TP53BP1: variants seen among roughly 807,000 people sequenced by gnomAD.
TP53BP1 encodes the protein TP53-binding protein 1.
In TP53BP1, 61 loss-of-function variants were observed where a neutral mutation model predicts 200.8. The ratio of observed to expected loss-of-function variants is 0.30; its 90% CI spans 0.25 to 0.38. TP53BP1 has a LOEUF of 0.38. TP53BP1 is among the 10% of genes least tolerant of loss of function. The pLI, the probability that TP53BP1 is intolerant of heterozygous loss-of-function variation, is 1.00. For missense variants in TP53BP1, 2,144 were observed against 2,371.9 expected (o/e 0.90, Z 2.00); for synonymous variants, 822 against 844.3 (o/e 0.97, Z 0.46).
intron 11 of TP53BP1, among the ~76,000 whole-genome samples, chr15:43,460,704 A>G (rs986089244): frequency 1.3e-5 from 2 of 152,190 alleles, no homozygotes; most frequent in Non-Finnish European, 2.9e-5. Flanking sequence ...GAATCTGTTC[A>G]TATACTCTCA....
At chr15:43,422,164 C>T in intron 18 of TP53BP1, 38 bp from the exon 19 acceptor site, 1 of 1,593,888 alleles carries the variant, frequency 6.3e-7, no homozygotes, top group South Asian at 1.1e-5. Context: ...TAAAAGATGC[C>T]ATAATAACAC....
intron 12 of TP53BP1, 21 bp downstream of exon 12, chr15:43,455,871 A>G: frequency 6.2e-7 from 1 of 1,609,926 alleles, no homozygotes; most frequent in Non-Finnish European, 8.5e-7. Context: ...GGAGACAAGA[A>G]TAATCTACAA....
At chr15:43,457,269 C>T in intron 11 of TP53BP1, 51 bp from the exon 12 acceptor site, 1 of 1,431,478 alleles carries the variant, frequency 7.0e-7, no homozygotes, top group Non-Finnish European at 9.3e-7. Context: ...GATCATATAT[C>T]TTTTATATCG....
chr15:43,437,965 C>G (rs968089759), intron 16 of TP53BP1, among the ~76,000 whole-genome samples: 3 of 152,224 alleles, frequency 2.0e-5, no homozygotes, highest in Non-Finnish European at 4.4e-5. Flanking sequence ...TAAGGGCCTT[C>G]TAGCTGCATC....
chr15:43,419,990 G>A (rs754697153), intron 21 of TP53BP1, among the ~76,000 whole-genome samples: 6 of 152,164 alleles, frequency 3.9e-5, no homozygotes, highest in Non-Finnish European at 7.3e-5. Context: ...TTTGACAAAC[G>A]TCCCATACTA....
At position 43,443,221 on chromosome 15, in the gene TP53BP1, A is replaced by G. The variant is rs148049917; in HGVS notation, c.3041-1638T>C. On this transcript the variant is annotated intron_variant, in intron 14 of 27. Coordinates refer to ENST00000382044, the MANE Select transcript of TP53BP1 (RefSeq NM_001141980.3). The stretch of plus-strand genomic sequence containing the variant: ...AAAAGTATGTAATAATACAAAATTA[A>G]AAACCAAAAACTTTTTAAAATTTAT... 5.0e-3 allele frequency among the ~76,000 whole-genome samples: 760 copies of G among 152,288 alleles called. 7 individuals are homozygous for G. The highest frequency in any genetic ancestry group is 6.2e-3 in the Non-Finnish European group (422 of 68,016).
chr15:43,458,374 G>A (rs1449835101), intron 11 of TP53BP1, among the ~76,000 whole-genome samples: 1 of 152,072 alleles, frequency 6.6e-6, no homozygotes, highest in Non-Finnish European at 1.5e-5. Flanking sequence ...AGAAGGCAGA[G>A]GTTGCAGTGA....
At chr15:43,437,724 C>G (rs1595554364) in intron 16 of TP53BP1, among the ~76,000 whole-genome samples, 1 of 152,120 alleles carries the variant, frequency 6.6e-6, no homozygotes, top group African/African-American at 2.4e-5. Context: ...TTTCTCATGA[C>G]AGCTCATCAA....
At chr15:43,408,345 G>C (rs972758721) in intron 26 of TP53BP1, 5 of 370,182 alleles carry the variant, frequency 1.4e-5, no homozygotes, top group African/African-American at 2.1e-5. Flanking sequence ...GCTGGGTGTG[G>C]TGGCGAGTGC....
intron 19 of TP53BP1, 52 bp downstream of exon 19, chr15:43,421,803 C>A: frequency 6.3e-7 from 1 of 1,598,716 alleles, no homozygotes; most frequent in South Asian, 1.1e-5. Flanking sequence ...ATTAAAATGT[C>A]AGCAACCCTG....
chr15:43,428,795 T>A (rs1566927659), intron 17 of TP53BP1, among the ~76,000 whole-genome samples: 1 of 152,210 alleles, frequency 6.6e-6, no homozygotes, highest in African/African-American at 2.4e-5. Flanking sequence ...AGATTTTATA[T>A]CTAGTTCTAC....
chr15:43,469,388 C>T (rs541146464), intron 11 of TP53BP1, among the ~76,000 whole-genome samples: 7 of 152,044 alleles, frequency 4.6e-5, no homozygotes, highest in African/African-American at 1.2e-4. Flanking sequence ...AGAATTATTA[C>T]GACACAACAT....
chr15:43,509,198 G>C (rs1158525711), intron 1 of TP53BP1, among the ~76,000 whole-genome samples: 1 of 93,034 alleles, frequency 1.1e-5, no homozygotes, highest in Non-Finnish European at 2.1e-5. Flanking sequence ...CGGGGGGGGG[G>C]GGGGCAGAGG....
chr15:43,493,115 T>C lies in TP53BP1; in HGVS notation c.-72A>G. ...CCCCAAGTCCCTCCAGATCGATCCC[T>C]AGGTCGCCGCTGTCGCCACCGCCGC... On this transcript the variant is annotated 5_prime_UTR_variant, in exon 1 of 28. Coordinates refer to ENST00000382044, the MANE Select transcript of TP53BP1 (RefSeq NM_001141980.3). The C allele has an allele frequency of 1.2e-6, 2 of 1,600,618 alleles. No individual in the cohort carries two copies. Among genetic ancestry groups the C allele is most frequent in the Non-Finnish European group, 1.7e-6 (2 of 1,175,990 alleles).
chr15:43,408,175 T>C, intron 26 of TP53BP1, 87 bp from the exon 27 acceptor site: 2 of 1,352,374 alleles, frequency 1.5e-6, no homozygotes. Context: ...TACATCTGAA[T>C]GCTTTCAAAA....
At chr15:43,415,871 GA>G in intron 22 of TP53BP1, 62 bp from the exon 23 acceptor site, 1 of 1,382,812 alleles carries the variant, frequency 7.2e-7, no homozygotes, top group South Asian at 1.2e-5. Flanking sequence ...TGAACTCCAA[GA>G]AACTGGGCAG....
chr15:43,509,112 C>A (rs1306997190), intron 1 of TP53BP1, among the ~76,000 whole-genome samples: 1 of 141,628 alleles, frequency 7.1e-6, no homozygotes, highest in Non-Finnish European at 1.5e-5. Context: ...TCTGCCTCCA[C>A]ATGGTACTCT....
intron 12 of TP53BP1, among the ~76,000 whole-genome samples, chr15:43,449,260 T>C (rs1279378538): frequency 6.6e-6 from 1 of 152,214 alleles, no homozygotes; most frequent in Non-Finnish European, 1.5e-5. Flanking sequence ...TAAGCATTCA[T>C]TCTGTGGTAG....
At chr15:43,502,603 C>T (rs1406965086) in intron 1 of TP53BP1, among the ~76,000 whole-genome samples, 6 of 150,954 alleles carry the variant, frequency 4.0e-5, no homozygotes, top group African/African-American at 1.2e-4. Context: ...TACAGGCGCC[C>T]GCCACCACGA....
Sources: allele counts gnomAD v4.1 joint callset (sites outside exome capture counted in the v4.1 genomes callset), GRCh38; gene constraint gnomAD v4.1.1; transcripts MANE v1.5; gene names NCBI Gene and HGNC (gene_info 2026-07-23, HGNC 2026-07-21).